The following CSMD1 variants were observed in gnomAD, a reference collection of about 807,000 sequenced individuals.
The protein encoded by CSMD1 is CUB and sushi domain-containing protein 1.
CSMD1 carries 213 observed loss-of-function variants against 417.5 expected under a neutral mutation model. The observed-to-expected ratio is 0.51, with a 90% CI of 0.46 to 0.57. The LOEUF is 0.57. Among genes scored for constraint, CSMD1 ranks in the 20% least tolerant of loss-of-function variants. The pLI, the probability that CSMD1 is intolerant of heterozygous loss-of-function variation, is 0.00. For synonymous variants in CSMD1, 2,862 were observed against 1,736.8 expected (o/e 1.65, Z -16.11); for missense variants, 6,923 against 4,529.7 (o/e 1.53, Z -15.17).
chr8:4,896,683 A>G (rs1023839844), intron 1 of CSMD1, among the ~76,000 whole-genome samples: 7 of 152,138 alleles, frequency 4.6e-5, no homozygotes, highest in African/African-American at 1.5e-4. Flanking sequence ...GAAGGATTGC[A>G]TACGTGCTGG....
At chr8:4,644,183 G>A (rs1043752334) in intron 1 of CSMD1, among the ~76,000 whole-genome samples, 1 of 152,126 alleles carries the variant, frequency 6.6e-6, no homozygotes, top group Non-Finnish European at 1.5e-5. Context: ...CACTCCAAAA[G>A]GAAAAGGGAG....
chr8:3,530,709 T>C (rs564118934), intron 10 of CSMD1, among the ~76,000 whole-genome samples: 3 of 152,080 alleles, frequency 2.0e-5, no homozygotes, highest in African/African-American at 4.8e-5. Context: ...TTTTGTATTT[T>C]TAGTAGAGAC....
intron 1 of CSMD1, among the ~76,000 whole-genome samples, chr8:4,772,156 G>A (rs1796632834): frequency 6.6e-6 from 1 of 152,092 alleles, no homozygotes; most frequent in African/African-American, 2.4e-5. Flanking sequence ...CCTTGTGGTG[G>A]TAGGGATGAA....
At chr8:4,637,252 C>G in intron 2 of CSMD1, 90 bp downstream of exon 2, 1 of 1,177,974 alleles carries the variant, frequency 8.5e-7, no homozygotes, top group Middle Eastern at 2.8e-4. Context: ...CAACTCCGGA[C>G]ACAATAATAA....
intron 3 of CSMD1, among the ~76,000 whole-genome samples, chr8:4,237,221 T>G (rs1486592704): frequency 6.6e-6 from 1 of 152,198 alleles, no homozygotes; most frequent in Non-Finnish European, 1.5e-5. Context: ...ATTGTTTAAT[T>G]TTTTCCGAAG....
At chr8:3,714,141 C>A (rs753361372) in intron 6 of CSMD1, among the ~76,000 whole-genome samples, 5 of 149,458 alleles carry the variant, frequency 3.3e-5, no homozygotes, top group African/African-American at 7.3e-5. Context: ...TAAGTTTATA[C>A]GTATTTAGAA....
At chr8:4,366,519 C>T (rs1554447302) in intron 3 of CSMD1, among the ~76,000 whole-genome samples, 1 of 152,110 alleles carries the variant, frequency 6.6e-6, no homozygotes, top group Non-Finnish European at 1.5e-5. Flanking sequence ...TCCACAGTAG[C>T]TTAATTAATT....
chr8:3,516,406 A>G (rs1055065549), intron 10 of CSMD1, among the ~76,000 whole-genome samples: 8 of 152,188 alleles, frequency 5.3e-5, no homozygotes, highest in African/African-American at 1.9e-4. Context: ...AAAGCCCTGG[A>G]ATGCAGACTA....
At chr8:3,392,953 G>A (rs148914956) in intron 17 of CSMD1, among the ~76,000 whole-genome samples, 51 of 152,108 alleles carry the variant, frequency 3.4e-4, no homozygotes, top group Non-Finnish European at 6.5e-4. Flanking sequence ...CTGGTGATAA[G>A]CACTCATAAA....
rs201657481 is a variant in CSMD1 at position 3,863,560 on chromosome 8, G to A, written c.819-109518C>T. Among the ~76,000 whole-genome samples, 23 of 152,120 alleles carry A rather than the reference G, an allele frequency of 1.5e-4. No homozygotes were observed. In the East Asian group the frequency reaches 2.1e-3, roughly 14 times the overall value. On this transcript the variant is annotated intron_variant, in intron 5 of 69. Transcript: ENST00000635120. ...AGGACACCAACATTCAGACCACAGC[G>A]CACTGTTTACAAAAATATAATCTAA...
In CSMD1 at chr8:3,497,150, C is replaced by T. The variant is rs150694646; in HGVS notation, c.1345-3424G>A. ...TTGGATGAAATGTTCTGTAAATGTC[C>T]GTTAGGTCCATTTGGTCTACACTAT... is the stretch of plus-strand genomic sequence containing the variant. On this transcript the variant is annotated intron_variant, in intron 10 of 69. Coordinates refer to ENST00000635120, the MANE Select transcript of CSMD1 (RefSeq NM_033225.6). Among the ~76,000 whole-genome samples, 864 of 152,132 alleles carry T rather than the reference C, an allele frequency of 5.7e-3. 5 individuals carry two copies. The highest frequency in any genetic ancestry group is 8.5e-3 in the Non-Finnish European group (580 of 68,012).
At chr8:4,214,892 T>C (rs1441851347) in intron 3 of CSMD1, among the ~76,000 whole-genome samples, 1 of 152,188 alleles carries the variant, frequency 6.6e-6, no homozygotes, top group African/African-American at 2.4e-5. Context: ...GTATATTCTT[T>C]TTTAAGTTTT....
At chr8:4,875,486 C>T (rs904012665) in intron 1 of CSMD1, among the ~76,000 whole-genome samples, 3 of 152,010 alleles carry the variant, frequency 2.0e-5, no homozygotes, top group Non-Finnish European at 4.4e-5. Flanking sequence ...CAAAGCGTCT[C>T]ACTTGAGCAA....
chr8:4,111,500 C>T (rs1254571099), intron 3 of CSMD1, among the ~76,000 whole-genome samples: 5 of 152,132 alleles, frequency 3.3e-5, no homozygotes, highest in African/African-American at 1.2e-4. Flanking sequence ...TCCACAATAG[C>T]AAAGACATGG....
chr8:2,999,211 G>C (rs1286278318), intron 53 of CSMD1, among the ~76,000 whole-genome samples: 2 of 145,274 alleles, frequency 1.4e-5, no homozygotes, highest in Non-Finnish European at 3.0e-5. Context: ...CTGGGGTGCA[G>C]CGGCACGATC....
At chr8:3,607,095 GT>G (rs1000294790) in intron 8 of CSMD1, among the ~76,000 whole-genome samples, 4 of 152,076 alleles carry the variant, frequency 2.6e-5, no homozygotes, top group African/African-American at 9.7e-5. Context: ...GTACAAAAGT[GT>G]TTTTTCTTAA....
At chr8:4,562,130 C>G (rs1798370748) in intron 2 of CSMD1, among the ~76,000 whole-genome samples, 1 of 152,046 alleles carries the variant, frequency 6.6e-6, no homozygotes, top group Admixed American at 6.6e-5. Flanking sequence ...GGAAAAGCTG[C>G]AGGTATCGTT....
intron 1 of CSMD1, among the ~76,000 whole-genome samples, chr8:4,664,898 T>C (rs1804818912): frequency 6.6e-6 from 1 of 152,202 alleles, no homozygotes; most frequent in Admixed American, 6.5e-5. Flanking sequence ...CTTTACAGTT[T>C]CTATTTACAT....
rs529446182 is a variant in CSMD1 at position 3,820,699 on chromosome 8, C to T, written c.819-66657G>A. On this transcript the variant is annotated intron_variant, in intron 5 of 69. Coordinates refer to ENST00000635120, the MANE Select transcript of CSMD1 (RefSeq NM_033225.6). Reference sequence around the variant, plus strand: ...TGAGCTATTCTCTTGCCTTAGCCTCCTGAGTAGCTGGGACTACAGGCATGC... The same window carrying T: ...TGAGCTATTCTCTTGCCTTAGCCTCTTGAGTAGCTGGGACTACAGGCATGC... 2.0e-5 allele frequency among the ~76,000 whole-genome samples: 3 copies of T among 152,288 alleles called. No homozygotes were observed. In the South Asian group the frequency reaches 6.2e-4, roughly 32 times the overall value.
Sources: allele counts gnomAD v4.1 joint callset (sites outside exome capture counted in the v4.1 genomes callset), GRCh38; gene constraint gnomAD v4.1.1; transcripts MANE v1.5; gene names NCBI Gene and HGNC (gene_info 2026-07-23, HGNC 2026-07-21).